Variants in ZBTB1 observed in about 807,000 individuals in gnomAD.
ZBTB1 encodes zinc finger and BTB domain containing 1.
Under a neutral mutation model 51.6 loss-of-function variants are expected in ZBTB1, and 13 were observed. That is an observed-to-expected ratio of 0.25 (90% confidence interval 0.16 to 0.40). The LOEUF (loss-of-function observed/expected upper bound fraction) is 0.40. ZBTB1 is among the 10% of genes least tolerant of loss of function. The probability of loss-of-function intolerance (pLI) is 1.00; values close to 1 mark genes in which losing one functional copy is unlikely to be tolerated. For synonymous variants in ZBTB1, 240 were observed against 282.2 expected (o/e 0.85, Z 1.50); for missense variants, 567 against 856.5 (o/e 0.66, Z 4.22).
At chr14:64,520,737 G>A (rs2079851709) in intron 1 of ZBTB1, among the ~76,000 whole-genome samples, 1 of 152,160 alleles carries the variant, frequency 6.6e-6, no homozygotes, top group Non-Finnish European at 1.5e-5. Flanking sequence ...CTTAAAAAAT[G>A]AGCAATAGCT....
At chr14:64,532,530 G>C (rs1183026381) in exon 3 of ZBTB1, 1 of 151,994 alleles carries the variant, frequency 6.6e-6, no homozygotes, top group Non-Finnish European at 1.5e-5. Context: ...TCACAATCTT[G>C]ATCATTTATA....
intron 2 of ZBTB1, among the ~76,000 whole-genome samples, chr14:64,531,110 A>G (rs1353714394): frequency 3.9e-5 from 6 of 152,200 alleles, no homozygotes; most frequent in African/African-American, 1.4e-4. Flanking sequence ...AAAAGTTAAC[A>G]TGTTTTTATT....
At chr14:64,529,602 T>C (rs906538394), downstream of ZBTB1, among the ~76,000 whole-genome samples, 3 of 151,916 alleles carry the variant, frequency 2.0e-5, no homozygotes, top group African/African-American at 7.3e-5. Flanking sequence ...CGAAACCCCA[T>C]CTCTACAAAA....
In ZBTB1 at chr14:64,524,110, C is replaced by T. The variant is rs866002598; in HGVS notation, c.*464C>T. Reference sequence around the variant, plus strand: ...CCGTTTGCTTTTAGTGAGTTAACTACTCTTTATTCCCCCTTATTAATGAAA... The same window carrying T: ...CCGTTTGCTTTTAGTGAGTTAACTATTCTTTATTCCCCCTTATTAATGAAA... On this transcript the variant is annotated 3_prime_UTR_variant, in exon 2 of 2. Coordinates refer to ENST00000683701, the MANE Select transcript of ZBTB1 (RefSeq NM_001123329.2). 9 of 984,430 alleles carry T rather than the reference C, an allele frequency of 9.1e-6. No homozygotes were observed. Among genetic ancestry groups the T allele is most frequent in the Middle Eastern group, 5.2e-4 (1 of 1,912 alleles). 61.0% of individuals were successfully genotyped at this position (984,430 alleles called of 1,614,324 possible).
At chr14:64,504,138 G>GAGGGCGCGGGGCCAGGGAGGCC (rs1226947623), upstream of ZBTB1, 50 of 152,990 alleles carry the variant, frequency 3.3e-4, no homozygotes, top group Non-Finnish European at 6.8e-4. Context: ...GGGAAGGGAT[G>GAGGGCGCGGGGCCAGGGAGGCC]AGGGCGCGGG....
chr14:64,533,471 T>G (rs572186940), exon 3 of ZBTB1: 2 of 152,648 alleles, frequency 1.3e-5, no homozygotes, highest in African/African-American at 2.4e-5. Context: ...CTGGTGGAAT[T>G]AGATTTACTA....
intron 1 of ZBTB1, among the ~76,000 whole-genome samples, chr14:64,507,349 C>T (rs112741157): frequency 2.0e-5 from 3 of 152,044 alleles, no homozygotes; most frequent in Non-Finnish European, 2.9e-5. Context: ...AAGGGTTACT[C>T]GTGTCTATTT....
At chr14:64,517,364 T>C (rs1468441125) in intron 1 of ZBTB1, among the ~76,000 whole-genome samples, 2 of 152,228 alleles carry the variant, frequency 1.3e-5, no homozygotes, top group African/African-American at 4.8e-5. Flanking sequence ...TCACTTATTA[T>C]ACTGTCCTCA....
intron 1 of ZBTB1, among the ~76,000 whole-genome samples, chr14:64,515,899 G>A (rs1297621575): frequency 6.6e-6 from 1 of 152,120 alleles, no homozygotes; most frequent in East Asian, 1.9e-4. Context: ...CTCCCCTGCC[G>A]CATACTCCTC....
downstream of ZBTB1, among the ~76,000 whole-genome samples, chr14:64,527,670 G>A (rs1450052649): frequency 2.6e-5 from 4 of 151,992 alleles, no homozygotes; most frequent in African/African-American, 4.8e-5. Context: ...TACTTGGGAG[G>A]CCAAGGCAGG....
At chr14:64,507,394 C>T (rs547694437) in intron 1 of ZBTB1, among the ~76,000 whole-genome samples, 1 of 152,182 alleles carries the variant, frequency 6.6e-6, no homozygotes, top group African/African-American at 2.4e-5. Context: ...ATTATAAAAT[C>T]CATGCTCTTT....
exon 3 of ZBTB1, chr14:64,531,880 A>C: frequency 6.2e-7 from 1 of 1,613,728 alleles, no homozygotes; most frequent in Non-Finnish European, 8.5e-7. Context: ...AGGGCCTTCT[A>C]AACCTGTGGA....
chr14:64,513,175 TATAC>T (rs1265093925), intron 1 of ZBTB1, among the ~76,000 whole-genome samples: 13 of 152,024 alleles, frequency 8.6e-5, no homozygotes, highest in Non-Finnish European at 1.2e-4. Flanking sequence ...CATACATGTA[TATAC>T]ATACATGTAT....
chr14:64,517,781 A>ATATTTTTTTTTTTTTTT (rs1160337478), intron 1 of ZBTB1, among the ~76,000 whole-genome samples: 5 of 41,562 alleles, frequency 1.2e-4, no homozygotes, highest in Admixed American at 3.3e-4. Context: ...ATATATATAT[A>ATATTTTTTTTTTTTTTT]TTTTTTTTTT....
intron 1 of ZBTB1, chr14:64,516,877 A>G (rs761010000): frequency 6.6e-6 from 1 of 152,242 alleles, no homozygotes; most frequent in African/African-American, 2.4e-5. Context: ...AATTGTGACT[A>G]TAGCTATAGA....
rs1262007147 is a variant in ZBTB1, at chr14:64,524,939, C to G, written c.*1293C>G. The G allele has an allele frequency of 1.0e-6, 1 of 984,748 alleles. No homozygotes were observed. The highest frequency in any genetic ancestry group is 1.2e-6 in the Non-Finnish European group (1 of 829,666). 61.0% of individuals were successfully genotyped at this position (984,748 alleles called of 1,614,324 possible). A position where few individuals can be genotyped will look rare whatever the true frequency, so the allele number is the denominator to read the frequency against. On this transcript the variant is annotated 3_prime_UTR_variant, in exon 2 of 2. Coordinates refer to ENST00000683701, the MANE Select transcript of ZBTB1 (RefSeq NM_001123329.2). ...AAAACTGACCCACCAATAAACACAT[C>G]TATTGAATAGAATGCCTTTTAATGT...
At chr14:64,530,806 C>G (rs1031869394) in intron 2 of ZBTB1, among the ~76,000 whole-genome samples, 1 of 152,078 alleles carries the variant, frequency 6.6e-6, no homozygotes, top group Non-Finnish European at 1.5e-5. Context: ...CACTAAGGGA[C>G]AGAAAGCCAT....
chr14:64,507,415 G>T (rs1380486628), intron 1 of ZBTB1, among the ~76,000 whole-genome samples: 1 of 152,062 alleles, frequency 6.6e-6, no homozygotes, highest in African/African-American at 2.4e-5. Context: ...GAAAAATTCA[G>T]CCTGTATTGA....
intron 1 of ZBTB1, 86 bp downstream of exon 1, chr14:64,505,032 G>A (rs1466550586): frequency 2.6e-6 from 1 of 380,678 alleles, no homozygotes; most frequent in African/African-American, 2.1e-5. Context: ...GGAGTGCGGG[G>A]CCGGAGGGGC....
Sources: allele counts gnomAD v4.1 joint callset (sites outside exome capture counted in the v4.1 genomes callset), GRCh38; gene constraint gnomAD v4.1.1; transcripts MANE v1.5; gene names NCBI Gene and HGNC (gene_info 2026-07-23, HGNC 2026-07-21).